Variants in GABBR2 observed in about 807,000 individuals in gnomAD.
GABBR2 encodes gamma-aminobutyric acid type B receptor subunit 2.
GABBR2 carries 23 observed loss-of-function variants against 105.6 expected under a neutral mutation model. The observed-to-expected ratio is 0.22, with a 90% CI of 0.16 to 0.31. The LOEUF (loss-of-function observed/expected upper bound fraction) is 0.31, where lower values mean the gene tolerates loss of function less well. Among genes scored for constraint, GABBR2 ranks in the 10% least tolerant of loss-of-function variants. The pLI, the probability that GABBR2 is intolerant of heterozygous loss-of-function variation, is 1.00. For missense variants in GABBR2, 734 were observed against 1,245.5 expected (o/e 0.59, Z 6.18); for synonymous variants, 478 against 499.7 (o/e 0.96, Z 0.58).
chr9:98,636,999 T>C (rs780525448), intron 1 of GABBR2, among the ~76,000 whole-genome samples: 2 of 152,258 alleles, frequency 1.3e-5, no homozygotes, highest in East Asian at 3.9e-4. Flanking sequence ...TGGAAACAGT[T>C]AGCTCACCCG....
At chr9:98,378,870 C>T (rs551089866) in intron 11 of GABBR2, among the ~76,000 whole-genome samples, 1 of 152,308 alleles carries the variant, frequency 6.6e-6, no homozygotes, top group African/African-American at 2.4e-5. Context: ...GAGTGCCACA[C>T]TTATAATATA....
At chr9:98,472,171 C>T (rs1374083036) in intron 6 of GABBR2, among the ~76,000 whole-genome samples, 1 of 152,134 alleles carries the variant, frequency 6.6e-6, no homozygotes, top group Non-Finnish European at 1.5e-5. Context: ...AACTTCTGAA[C>T]TCAGAAAAGA....
chr9:98,651,683 C>T (rs374083856), intron 1 of GABBR2, among the ~76,000 whole-genome samples: 1 of 152,198 alleles, frequency 6.6e-6, no homozygotes, highest in Non-Finnish European at 1.5e-5. Context: ...CCTCCCACCT[C>T]AGCCTCCCAA....
chr9:98,650,604 A>G (rs996086967), intron 1 of GABBR2, among the ~76,000 whole-genome samples: 1 of 152,240 alleles, frequency 6.6e-6, no homozygotes, highest in Non-Finnish European at 1.5e-5. Flanking sequence ...AAATCTTTAT[A>G]CTAAAAGATG....
At chr9:98,544,315 A>G (rs1828362785) in intron 2 of GABBR2, among the ~76,000 whole-genome samples, 1 of 152,128 alleles carries the variant, frequency 6.6e-6, no homozygotes. Flanking sequence ...GTCCCTTTCC[A>G]TGTCTGTTTC....
chr9:98,692,730 T>C (rs1253688981), intron 1 of GABBR2, among the ~76,000 whole-genome samples: 3 of 152,250 alleles, frequency 2.0e-5, no homozygotes, highest in South Asian at 2.1e-4. Flanking sequence ...TCTCCAGGTA[T>C]GAATGGGACT....
chr9:98,525,581 T>C (rs1371328582), intron 3 of GABBR2, among the ~76,000 whole-genome samples: 1 of 152,222 alleles, frequency 6.6e-6, no homozygotes, highest in African/African-American at 2.4e-5. Context: ...GGTATATCCA[T>C]TGATGCAAAC....
chr9:98,302,321 T>C (rs1486272950), intron 16 of GABBR2, among the ~76,000 whole-genome samples: 2 of 152,154 alleles, frequency 1.3e-5, no homozygotes, highest in Non-Finnish European at 2.9e-5. Flanking sequence ...CTCCTGACAC[T>C]GTGAACAGGA....
chr9:98,591,090 G>A (rs1829139738), intron 1 of GABBR2, among the ~76,000 whole-genome samples: 1 of 152,202 alleles, frequency 6.6e-6, no homozygotes, highest in Admixed American at 6.5e-5. Context: ...AGAAGTGGGA[G>A]CAATGGCAGA....
At chr9:98,541,323 G>A (rs994055487) in intron 3 of GABBR2, among the ~76,000 whole-genome samples, 5 of 151,792 alleles carry the variant, frequency 3.3e-5, no homozygotes, top group Admixed American at 2.0e-4. Flanking sequence ...TTAGGACAAA[G>A]CAACACTTTT....
rs1170259663 is a variant in GABBR2 at position 98,708,597 on chromosome 9, G to C, written c.141C>G (p.Pro47=). Residue 47 remains proline (P), a synonymous_variant, in exon 1 of 19, where the codon CCC becomes CCG. Transcript: ENST00000259455. ...PGAWGWARGA[P]RPPPSSPPLS... is the part of the protein sequence containing the mutation. ...GCGGCGGGCTGCTGGGCGGCGGCCG[G>C]GGGGCGCCCCGCGCCCAGCCCCAGG... 17 of 1,440,134 alleles carry C rather than the reference G, an allele frequency of 1.2e-5. No homozygotes were observed. Among genetic ancestry groups the C allele is most frequent in the Non-Finnish European group, 1.5e-5 (16 of 1,096,332 alleles). The allele number at this position is 1,440,134 out of a possible 1,614,324, so 89.2% of individuals were successfully genotyped here.
intron 5 of GABBR2, among the ~76,000 whole-genome samples, chr9:98,475,681 T>C (rs1231329543): frequency 6.6e-6 from 1 of 152,258 alleles, no homozygotes; most frequent in Non-Finnish European, 1.5e-5. Context: ...GTTCCGCTCT[T>C]AGTAAAACAA....
At chr9:98,442,366 T>A (rs981278040) in intron 7 of GABBR2, among the ~76,000 whole-genome samples, 2 of 152,218 alleles carry the variant, frequency 1.3e-5, no homozygotes, top group African/African-American at 4.8e-5. Flanking sequence ...ATTGTCCTTC[T>A]CGGGCTAGAT....
At chr9:98,447,646 G>A (rs1342248389) in intron 7 of GABBR2, among the ~76,000 whole-genome samples, 2 of 151,970 alleles carry the variant, frequency 1.3e-5, no homozygotes, top group Admixed American at 6.6e-5. Context: ...GCAACAGTGG[G>A]GATGAAATAA....
At chr9:98,620,639 C>T (rs1829656187) in intron 1 of GABBR2, among the ~76,000 whole-genome samples, 1 of 152,028 alleles carries the variant, frequency 6.6e-6, no homozygotes, top group Non-Finnish European at 1.5e-5. Flanking sequence ...TAAGAAGGAA[C>T]TCTGGGAATT....
intron 1 of GABBR2, among the ~76,000 whole-genome samples, chr9:98,583,868 G>T (rs1588238943): frequency 1.3e-5 from 2 of 152,168 alleles, no homozygotes; most frequent in Non-Finnish European, 2.9e-5. Flanking sequence ...CCCCTAAAGG[G>T]CTGTTGATTA....
chr9:98,418,237 G>A (rs1287962379), intron 7 of GABBR2, among the ~76,000 whole-genome samples: 3 of 152,072 alleles, frequency 2.0e-5, no homozygotes, highest in Non-Finnish European at 2.9e-5. Context: ...CAAAGTAGAT[G>A]ATGCATGAGG....
At chr9:98,635,580 G>T (rs1413324151) in intron 1 of GABBR2, among the ~76,000 whole-genome samples, 1 of 152,208 alleles carries the variant, frequency 6.6e-6, no homozygotes, top group Non-Finnish European at 1.5e-5. Context: ...GAGGCAAGAG[G>T]TGTGACCGCC....
Position 98,324,863 on chromosome 9 carries a change from T to G in GABBR2, c.1894-13658A>C, listed in dbSNP as rs1269648208. On this transcript the variant is annotated intron_variant, in intron 13 of 18. Transcript: ENST00000259455. ...TCCGATTTCATTATAACTATAAACC[T>G]GTTCTCAACTCATCTCTCATATACC... Among the ~76,000 whole-genome samples the G allele has an allele frequency of 2.6e-5, 4 of 152,156 alleles. No individual in the cohort carries two copies. In the East Asian group the frequency reaches 5.8e-4, roughly 22 times the overall value.
Sources: gnomAD v4.1 joint callset for allele counts (sites outside exome capture counted in the v4.1 genomes callset) on GRCh38, gnomAD v4.1.1 for gene constraint, MANE v1.5 for transcripts, NCBI Gene and HGNC (gene_info 2026-07-23, HGNC 2026-07-21) for gene names.